MON1A: variants seen among roughly 807,000 people sequenced by gnomAD.
MON1A encodes the protein vacuolar fusion protein MON1 homolog A.
MON1A carries 29 observed loss-of-function variants against 44.6 expected under a neutral mutation model. The ratio of observed to expected loss-of-function variants is 0.65; its 90% confidence interval spans 0.48 to 0.89. The LOEUF (loss-of-function observed/expected upper bound fraction) is 0.89, where lower values mean the gene tolerates loss of function less well. Among genes scored for constraint, MON1A ranks in the 40% least tolerant of loss-of-function variants. The probability of loss-of-function intolerance (pLI) is 0.00; values close to 1 mark genes in which losing one functional copy is unlikely to be tolerated. For missense variants in MON1A, 615 were observed against 759.6 expected (o/e 0.81, Z 2.24); for synonymous variants, 275 against 316.4 (o/e 0.87, Z 1.39).
chr3:49,912,864 T>C (rs2082902380), intron 2 of MON1A: 2 of 378,384 alleles, frequency 5.3e-6, no homozygotes, highest in South Asian at 4.4e-5. Flanking sequence ...GGGCAATATA[T>C]GCATAAAGAG....
At chr3:49,928,004 A>G (rs1159987324) in intron 1 of MON1A, among the ~76,000 whole-genome samples, 1 of 152,160 alleles carries the variant, frequency 6.6e-6, no homozygotes, top group East Asian at 1.9e-4. Context: ...AAGGTCTACA[A>G]TAGCTTACTT....
At position 49,913,213 on chromosome 3, in the gene MON1A, C is replaced by A. The variant is rs1430905747; in HGVS notation, c.127+7G>T. On this transcript the variant is annotated splice_region_variant and intron_variant, in intron 2 of 5. Transcript: ENST00000296473. ...GCAGCTGGCTGAGGCTGTACACTTG[C>A]CCATACCTGGCTCCATTCCCTGGGC... is the stretch of plus-strand genomic sequence containing the variant. 6.2e-7 allele frequency: 1 copy of A among 1,614,228 alleles called. No individual in the cohort carries two copies. Among genetic ancestry groups the A allele is most frequent in the South Asian group, 1.1e-5 (1 of 91,090 alleles).
intron 1 of MON1A, among the ~76,000 whole-genome samples, chr3:49,915,238 C>T (rs1351750268): frequency 6.6e-6 from 1 of 152,216 alleles, no homozygotes; most frequent in Non-Finnish European, 1.5e-5. Context: ...GGAGTTGAAA[C>T]AACTCTGTAT....
Position 49,910,766 on chromosome 3 carries a change from TAGG to T in MON1A, c.729_731del (p.Leu244del). The T allele has an allele frequency of 6.2e-7, 1 of 1,614,074 alleles. No homozygotes were observed. Among genetic ancestry groups the T allele is most frequent in the Non-Finnish European group, 8.5e-7 (1 of 1,180,008 alleles). ...TCAGCTGCGCACCGGTAAGAAGGCT[TAGG>T]ATCTGGTAGTAGATGTAGAGCAGCT... On this transcript the variant is annotated inframe_deletion, in exon 4 of 6. Transcript: ENST00000296473. This position sits in a 1 kb window ranked among gnomAD's most constrained non-coding sequence, Gnocchi z 8.0.
At position 49,910,759 on chromosome 3, in the gene MON1A, G is replaced by T. The variant is rs2082868435; in HGVS notation, c.739C>A (p.Leu247Ile). ...LYIYYQILSLLTGAQLSHIFQ... is the reference protein window; with the variant it reads ...LYIYYQILSLITGAQLSHIFQ... The stretch of plus-strand genomic sequence containing the variant: ...ATGTGGCTCAGCTGCGCACCGGTAA[G>T]AAGGCTTAGGATCTGGTAGTAGATG... The change falls in exon 4 of 6, where the codon CTT (leucine) becomes ATT (isoleucine). Residue 247 changes from leucine (L) to isoleucine (I), a missense_variant. By Grantham distance (5) the Leu-to-Ile change is conservative. Transcript: ENST00000296473. This position sits in a 1 kb window ranked among gnomAD's most constrained non-coding sequence, Gnocchi z 8.0. 1 of 1,614,020 alleles carries T rather than the reference G, an allele frequency of 6.2e-7. No homozygotes were observed. The highest frequency in any genetic ancestry group is 1.3e-5 in the African/African-American group (1 of 74,936).
chr3:49,921,451 C>T (rs1026723203), intron 1 of MON1A, among the ~76,000 whole-genome samples: 2 of 150,460 alleles, frequency 1.3e-5, no homozygotes, highest in African/African-American at 2.4e-5. Context: ...AGCCACCACG[C>T]CTGGCTGGTA....
rs575359168 is a variant in MON1A at position 49,910,014 on chromosome 3, G to C, written c.1379+105C>G. ...CCAGCACACTGGTCTGCTTCCAAAG[G>C]TAGGGACAGCTTCAGGGCTACATCT... On this transcript the variant is annotated intron_variant, in intron 4 of 5. Transcript: ENST00000296473. This position sits in a 1 kb window ranked among gnomAD's most constrained non-coding sequence, Gnocchi z 8.0. 7.6e-7 allele frequency: 1 copy of C among 1,319,482 alleles called. No homozygotes were observed. The highest frequency in any genetic ancestry group is 1.5e-5 in the African/African-American group (1 of 67,782). 81.7% of individuals were successfully genotyped at this position (1,319,482 alleles called of 1,614,324 possible). A position where few individuals can be genotyped will look rare whatever the true frequency, so the allele number is the denominator to read the frequency against.
rs748955827 is a variant in MON1A at position 49,910,124 on chromosome 3, G to A, written c.1374C>T (p.Phe458=). ...CCCTCAAGGCCCTCCCTCACCTGGT[G>A]AAGAGTCCCGAGCTCTTTGACTTAT... ...FLYKSKSSGL[F]TSPEIEAPYT... Residue 458 remains phenylalanine (F), a synonymous_variant, in exon 4 of 6, where the codon TTC becomes TTT. Transcript: ENST00000296473. The surrounding 1 kb of genome is among the most constrained non-coding windows in gnomAD (Gnocchi z 8.0). The A allele has an allele frequency of 2.5e-6, 4 of 1,590,826 alleles. No individual in the cohort carries two copies. The highest frequency in any genetic ancestry group is 2.2e-5 in the South Asian group (2 of 89,046).
intron 1 of MON1A, chr3:49,924,583 G>T (rs1575480667): frequency 4.1e-6 from 1 of 242,814 alleles, no homozygotes; most frequent in South Asian, 3.4e-5. Context: ...GGAGGCTAAG[G>T]TATGAGAATC....
chr3:49,928,261 T>C (rs1305906023), intron 1 of MON1A, among the ~76,000 whole-genome samples: 1 of 152,178 alleles, frequency 6.6e-6, no homozygotes, highest in Non-Finnish European at 1.5e-5. Context: ...CAAACAGCTC[T>C]CTGAATACTT....
At chr3:49,923,133 C>T (rs1286429701) in intron 1 of MON1A, among the ~76,000 whole-genome samples, 2 of 151,520 alleles carry the variant, frequency 1.3e-5, no homozygotes, top group Admixed American at 6.6e-5. Context: ...TGAGGTCAGG[C>T]GATCGAGACC....
chr3:49,910,415 G>A lies in MON1A; in HGVS notation c.1083C>T (p.Gly361=). ...GCAGGCACACGGGCGTCCAGGCCTC[G>A]CCCTCGCGAAAGGACGAGGAGGAAC... ...LISSSSSFRE[G]EAWTPVCLPK... The change falls in exon 4 of 6, where the codon GGC becomes GGT. Residue 361 remains glycine (G), a synonymous_variant. Transcript: ENST00000296473. This position sits in a 1 kb window ranked among gnomAD's most constrained non-coding sequence, Gnocchi z 8.0. The A allele has an allele frequency of 1.2e-6, 2 of 1,614,222 alleles. No individual in the cohort carries two copies. The highest frequency in any genetic ancestry group is 2.2e-5 in the East Asian group (1 of 44,866).
intron 1 of MON1A, among the ~76,000 whole-genome samples, chr3:49,914,160 G>C (rs1417654948): frequency 6.7e-6 from 1 of 148,196 alleles, no homozygotes; most frequent in Non-Finnish European, 1.5e-5. Context: ...GCGTAATCTC[G>C]GCTCACCGCA....
At chr3:49,914,837 C>T (rs1477040416) in intron 1 of MON1A, among the ~76,000 whole-genome samples, 4 of 152,044 alleles carry the variant, frequency 2.6e-5, no homozygotes, top group Non-Finnish European at 5.9e-5. Context: ...TGAGCCACTG[C>T]GCCCGCCTAA....
At position 49,911,968 on chromosome 3, in the gene MON1A, G is replaced by C. The variant is rs149740587; in HGVS notation, c.171C>G (p.Tyr57Ter). The change falls in exon 3 of 6, where the codon TAC becomes TAG. Residue 57 changes from tyrosine (Y) to a stop codon, truncating the protein, a stop_gained. Transcript: ENST00000296473. LOFTEE classifies it high-confidence loss of function. This position sits in a 1 kb window ranked among gnomAD's most constrained non-coding sequence, Gnocchi z 5.7. ...CATCCTCTGACTCAGTCAGGTCCTCGTAGGAACGGGCATGGACGAACATGG... is the reference window on the plus strand; with the variant it reads ...CATCCTCTGACTCAGTCAGGTCCTCCTAGGAACGGGCATGGACGAACATGG... ...EGAMFVHARS[Y>*]EDLTESEDGA... 15 of 1,610,286 alleles carry C rather than the reference G, an allele frequency of 9.3e-6. No homozygotes were observed. The highest frequency in any genetic ancestry group is 1.3e-5 in the Non-Finnish European group (15 of 1,177,682).
intron 2 of MON1A, chr3:49,912,304 A>G: frequency 2.9e-6 from 1 of 343,580 alleles, no homozygotes; most frequent in Non-Finnish European, 5.3e-6. Context: ...TCTTGGTCAC[A>G]CTGGCCTACA....
chr3:49,919,680 A>G (rs1301191361), intron 1 of MON1A, among the ~76,000 whole-genome samples: 1 of 152,078 alleles, frequency 6.6e-6, no homozygotes, highest in East Asian at 1.9e-4. Flanking sequence ...GGGTTTCACT[A>G]TGTTGGCCAG....
In MON1A at chr3:49,909,408, C is replaced by A; in HGVS notation, c.1380-8G>T. ...GGGGCCTCAATCTCAGGGCTGCAGA[C>A]AGGGTGGAGGGAGTGGGTTTGCAAA... is the stretch of plus-strand genomic sequence containing the variant. On this transcript the variant is annotated splice_region_variant and splice_polypyrimidine_tract_variant and intron_variant, in intron 4 of 5. Transcript: ENST00000296473. The surrounding 1 kb of genome is among the most constrained non-coding windows in gnomAD (Gnocchi z 4.0). 6.2e-7 allele frequency: 1 copy of A among 1,613,878 alleles called. No individual in the cohort carries two copies. Among genetic ancestry groups the A allele is most frequent in the Non-Finnish European group, 8.5e-7 (1 of 1,179,926 alleles).
At position 49,929,746 on chromosome 3, in the gene MON1A, G is replaced by C. The variant is rs1357745328; in HGVS notation, c.-151C>G. 87 of 1,549,824 alleles carry C rather than the reference G, an allele frequency of 5.6e-5. No individual in the cohort carries two copies. The highest frequency in any genetic ancestry group is 7.4e-5 in the Non-Finnish European group (85 of 1,146,720). On this transcript the variant is annotated 5_prime_UTR_variant, in exon 1 of 6. Coordinates refer to ENST00000296473, the MANE Select transcript of MON1A (RefSeq NM_032355.4). ...GGGGCCCCGGCCCCCTGCGTACACA[G>C]ACATGGCCACAGCGCAGGCACCGCT... is the stretch of plus-strand genomic sequence containing the variant.
Sources: allele counts gnomAD v4.1 joint callset (sites outside exome capture counted in the v4.1 genomes callset), GRCh38; gene constraint gnomAD v4.1.1; non-coding constraint Gnocchi (gnomAD v3.1); transcripts MANE v1.5; gene names NCBI Gene and HGNC (gene_info 2026-07-23, HGNC 2026-07-21).